The following CFAP52 variants were observed in gnomAD, a reference collection of about 807,000 sequenced individuals.
CFAP52 encodes the protein cilia- and flagella-associated protein 52.
Under a neutral mutation model 70.5 loss-of-function variants are expected in CFAP52, and 57 were observed. That is an observed-to-expected ratio of 0.81 (90% CI 0.65 to 1.01). The LOEUF (loss-of-function observed/expected upper bound fraction) is 1.01, where lower values mean the gene tolerates loss of function less well. Among genes scored for constraint, CFAP52 ranks in the 50% least tolerant of loss-of-function variants. The pLI, the probability that CFAP52 is intolerant of heterozygous loss-of-function variation, is 0.00. For synonymous variants in CFAP52, 267 were observed against 292.5 expected, an observed-to-expected ratio of 0.91 and a Z score of 0.89; for missense variants, 785 against 788.5, an observed-to-expected ratio of 1.00 and a Z score of 0.05.
chr17:9,583,419 A>G (rs555872804), intron 1 of CFAP52, among the ~76,000 whole-genome samples: 31 of 152,206 alleles, frequency 2.0e-4, no homozygotes, highest in African/African-American at 7.0e-4. Context: ...GAACAAGAAG[A>G]TTATATTAAT....
At chr17:9,587,360 T>C (rs1200004938) in intron 3 of CFAP52, among the ~76,000 whole-genome samples, 1 of 152,188 alleles carries the variant, frequency 6.6e-6, no homozygotes, top group African/African-American at 2.4e-5. Flanking sequence ...GGTAGAACAA[T>C]TTATATTCCT....
chr17:9,579,719 C>T (rs909990829), intron 1 of CFAP52, among the ~76,000 whole-genome samples: 1 of 152,168 alleles, frequency 6.6e-6, no homozygotes, highest in Admixed American at 6.6e-5. Flanking sequence ...AGGTATCCAC[C>T]ACCACGCCTG....
At chr17:9,584,185 C>T in intron 1 of CFAP52, 1 of 1,215,486 alleles carries the variant, frequency 8.2e-7, no homozygotes, top group Non-Finnish European at 1.0e-6. Context: ...GCTGAAGGTC[C>T]TGTTCTCCTG....
intron 6 of CFAP52, among the ~76,000 whole-genome samples, chr17:9,602,345 A>G (rs565495363): frequency 3.3e-5 from 5 of 151,750 alleles, no homozygotes; most frequent in African/African-American, 9.7e-5. Context: ...TCATTGTTCA[A>G]CTCTCACTTA....
intron 5 of CFAP52, among the ~76,000 whole-genome samples, chr17:9,599,122 G>T (rs141434430): frequency 0.018 from 2,736 of 152,236 alleles, 34 homozygotes; most frequent in Middle Eastern, 0.048. Context: ...GAAGTGTTTT[G>T]AATTTTGGAT....
intron 1 of CFAP52, among the ~76,000 whole-genome samples, chr17:9,583,963 A>G (rs565427140): frequency 6.6e-6 from 1 of 152,362 alleles, no homozygotes; most frequent in South Asian, 2.1e-4. Flanking sequence ...GAGACAATAA[A>G]CTAGCGTTCA....
intron 6 of CFAP52, among the ~76,000 whole-genome samples, chr17:9,605,098 A>G (rs552548866): frequency 9.8e-5 from 15 of 152,296 alleles, no homozygotes; most frequent in Admixed American, 9.2e-4. Flanking sequence ...CTTGCTATTT[A>G]CCCAAAGGAG....
intron 3 of CFAP52, among the ~76,000 whole-genome samples, chr17:9,592,180 C>CA (rs1342291615): frequency 6.6e-6 from 1 of 151,414 alleles, no homozygotes; most frequent in Non-Finnish European, 1.5e-5. Flanking sequence ...ACCCCATACC[C>CA]AGCCAGGCAC....
chr17:9,592,338 G>A (rs1908801834), intron 3 of CFAP52, among the ~76,000 whole-genome samples: 1 of 151,892 alleles, frequency 6.6e-6, no homozygotes, highest in Non-Finnish European at 1.5e-5. Context: ...TGGTGGTGGT[G>A]GGCCCCTGTA....
chr17:9,626,249 G>A (rs763207562), intron 8 of CFAP52, among the ~76,000 whole-genome samples: 9 of 152,174 alleles, frequency 5.9e-5, no homozygotes, highest in Non-Finnish European at 5.9e-5. Context: ...TCTTTTTTGA[G>A]ATGGAGTTTT....
chr17:9,606,760 A>T (rs1253316664), intron 6 of CFAP52, among the ~76,000 whole-genome samples: 1 of 152,200 alleles, frequency 6.6e-6, no homozygotes, highest in African/African-American at 2.4e-5. Flanking sequence ...AAATGCTAAA[A>T]AATTCACTCC....
chr17:9,602,415 G>C (rs1909311381), intron 6 of CFAP52, among the ~76,000 whole-genome samples: 1 of 151,998 alleles, frequency 6.6e-6, no homozygotes, highest in East Asian at 1.9e-4. Context: ...GAGAATGATG[G>C]TTTCCAGCTT....
chr17:9,632,940 G>A lies in CFAP52; in HGVS notation c.1227G>A (p.Met409Ile), dbSNP rs1910617552. 3 of 1,614,242 alleles carry A rather than the reference G, an allele frequency of 1.9e-6. No individual in the cohort carries two copies. Among genetic ancestry groups the A allele is most frequent in the Non-Finnish European group, 2.5e-6 (3 of 1,180,046 alleles). ...RAFAPETGRL[M>I]YVINNAHRIG... is the part of the protein sequence containing the mutation. ...TCGCCCCAGAGACAGGCCGACTGAT[G>A]TATGTCATTAACAATGCTCACAGGA... is the stretch of plus-strand genomic sequence containing the variant. The change falls in exon 10 of 14, where the codon ATG becomes ATA. Residue 409 changes from methionine to isoleucine, a missense_variant. Coordinates refer to ENST00000352665, the MANE Select transcript of CFAP52 (RefSeq NM_145054.5).
At chr17:9,588,858 C>T (rs989399583) in intron 3 of CFAP52, among the ~76,000 whole-genome samples, 23 of 151,624 alleles carry the variant, frequency 1.5e-4, no homozygotes, top group Non-Finnish European at 3.4e-4. Flanking sequence ...GCAATCTCCG[C>T]CTCCCAGGTT....
intron 1 of CFAP52, among the ~76,000 whole-genome samples, chr17:9,582,120 A>T (rs1908254712): frequency 6.6e-6 from 1 of 152,248 alleles, no homozygotes; most frequent in Admixed American, 6.5e-5. Context: ...AATCTGAAGA[A>T]ATACACACCT....
At position 9,603,371 on chromosome 17, in the gene CFAP52, G is replaced by A. The variant is rs937806869; in HGVS notation, c.753+3188G>A. ...CTACAGGCGCCTACCACCATGCCCAGCTAACTTTTTTGTATTTTTAGTAGA... is the reference window on the plus strand; with the variant it reads ...CTACAGGCGCCTACCACCATGCCCAACTAACTTTTTTGTATTTTTAGTAGA... On this transcript the variant is annotated intron_variant, in intron 6 of 13. Coordinates refer to ENST00000352665, the MANE Select transcript of CFAP52 (RefSeq NM_145054.5). 2.0e-4 allele frequency among the ~76,000 whole-genome samples: 31 copies of A among 152,078 alleles called. 1 individual carries two copies. Among genetic ancestry groups the A allele is most frequent in the African/African-American group, 5.3e-4 (22 of 41,388 alleles).
chr17:9,585,919 T>G lies in CFAP52; in HGVS notation c.217T>G (p.Ser73Ala), dbSNP rs763555959. The G allele has an allele frequency of 1.2e-6, 2 of 1,613,786 alleles. No homozygotes were observed. Among genetic ancestry groups the G allele is most frequent in the South Asian group, 2.2e-5 (2 of 91,068 alleles). The stretch of plus-strand genomic sequence containing the variant: ...CAACAACGTCTCCTGCTTGGCCATC[T>G]CCAGGTCTGGAGAGTACATCGCCTC... ...HGNNVSCLAI[S>A]RSGEYIASGQ... The change falls in exon 2 of 14, where the codon TCC becomes GCC. Residue 73 changes from serine to alanine, a missense_variant. Physicochemically the swap from Ser to Ala is moderately conservative, Grantham distance 99. Coordinates refer to ENST00000352665, the MANE Select transcript of CFAP52 (RefSeq NM_145054.5).
chr17:9,598,819 G>A (rs1909138395), intron 5 of CFAP52, among the ~76,000 whole-genome samples: 1 of 151,634 alleles, frequency 6.6e-6, no homozygotes, highest in Non-Finnish European at 1.5e-5. Flanking sequence ...TAGGAGTCAG[G>A]GAAGAGTCAC....
At chr17:9,599,530 G>A (rs1203639481) in intron 5 of CFAP52, among the ~76,000 whole-genome samples, 1 of 152,138 alleles carries the variant, frequency 6.6e-6, no homozygotes, top group African/African-American at 2.4e-5. Flanking sequence ...AAAGGCACAG[G>A]CTAATTGGGG....
Sources: allele counts gnomAD v4.1 joint callset (sites outside exome capture counted in the v4.1 genomes callset), GRCh38; gene constraint gnomAD v4.1.1; transcripts MANE v1.5; gene names NCBI Gene and HGNC (gene_info 2026-07-23, HGNC 2026-07-21).